KCNH8: variants seen among roughly 807,000 people sequenced by gnomAD.
KCNH8 encodes the protein potassium voltage-gated channel subfamily H member 8, also known as voltage-gated delayed rectifier potassium channel KCNH8.
KCNH8 carries 70 observed loss-of-function variants against 103.6 expected under a neutral mutation model. That is an observed-to-expected ratio of 0.68 (90% CI 0.56 to 0.82). The LOEUF is 0.82. Ranked by LOEUF, KCNH8 falls within the 40% of genes least tolerant of loss-of-function variation. KCNH8 has a pLI of 0.00. For synonymous variants in KCNH8, 498 were observed against 489.4 expected (o/e 1.02, Z -0.23); for missense variants, 1,217 against 1,329.9 (o/e 0.92, Z 1.32).
chr3:19,253,546 G>T, intron 1 of KCNH8, 108 bp from the exon 2 acceptor site: 1 of 846,078 alleles, frequency 1.2e-6, no homozygotes, highest in Non-Finnish European at 1.9e-6. Flanking sequence ...ATCAGAATGT[G>T]CCTTTTGGCA....
intron 1 of KCNH8, among the ~76,000 whole-genome samples, chr3:19,154,231 C>G (rs2125180542): frequency 6.6e-6 from 1 of 152,138 alleles, no homozygotes; most frequent in African/African-American, 2.4e-5. Flanking sequence ...AAACAATATT[C>G]TATTTAATTT....
intron 11 of KCNH8, among the ~76,000 whole-genome samples, chr3:19,484,267 A>C (rs2068155811): frequency 6.6e-6 from 1 of 152,202 alleles, no homozygotes; most frequent in Admixed American, 6.5e-5. Flanking sequence ...ACTGAGTGTC[A>C]TTATATAAAC....
At chr3:19,472,020 A>G (rs1431227915) in intron 11 of KCNH8, among the ~76,000 whole-genome samples, 1 of 152,212 alleles carries the variant, frequency 6.6e-6, no homozygotes, top group Non-Finnish European at 1.5e-5. Flanking sequence ...AAGTTTTTTA[A>G]AAATGAATTA....
At chr3:19,315,109 T>A (rs1473740750) in intron 3 of KCNH8, among the ~76,000 whole-genome samples, 2 of 151,966 alleles carry the variant, frequency 1.3e-5, no homozygotes, top group Non-Finnish European at 2.9e-5. Flanking sequence ...AAAGAGCTCC[T>A]CCATTCTCAT....
intron 5 of KCNH8, among the ~76,000 whole-genome samples, chr3:19,355,700 A>C (rs1247348075): frequency 6.6e-6 from 1 of 152,076 alleles, no homozygotes; most frequent in East Asian, 1.9e-4. Flanking sequence ...ACTTGGACAC[A>C]GGGTGGGGAA....
chr3:19,265,366 C>A (rs1329843765), intron 2 of KCNH8, among the ~76,000 whole-genome samples: 4 of 152,114 alleles, frequency 2.6e-5, no homozygotes, highest in Non-Finnish European at 5.9e-5. Context: ...ACAGCACCAG[C>A]AGAGCGTTAA....
chr3:19,459,127 C>T (rs918744005), intron 11 of KCNH8, among the ~76,000 whole-genome samples: 4 of 151,928 alleles, frequency 2.6e-5, no homozygotes, highest in Non-Finnish European at 4.4e-5. Context: ...ATTAGGACTT[C>T]CAGATCATAT....
rs2067229109 is a variant in KCNH8 at position 19,438,207 on chromosome 3, T to C, written c.1221T>C (p.Tyr407=). The change falls in exon 8 of 16, where the codon TAT becomes TAC. Residue 407 remains tyrosine (Y), a synonymous_variant. Transcript: ENST00000328405. ...GAAAGAGACTGGAATCTCCATACTATGGCAACAATACCTTGGGGGGCCCGT... is the reference window on the plus strand; with the variant it reads ...GAAAGAGACTGGAATCTCCATACTACGGCAACAATACCTTGGGGGGCCCGT... ...ELGKRLESPY[Y]GNNTLGGPSI... 2.5e-6 allele frequency: 4 copies of C among 1,614,140 alleles called. No individual in the cohort carries two copies. Among genetic ancestry groups the C allele is most frequent in the Non-Finnish European group, 3.4e-6 (4 of 1,180,010 alleles).
At chr3:19,200,139 C>T (rs1196670795) in intron 1 of KCNH8, among the ~76,000 whole-genome samples, 1 of 151,026 alleles carries the variant, frequency 6.6e-6, no homozygotes, top group African/African-American at 2.4e-5. Context: ...TTTTTTTCTA[C>T]ATAAAAAATA....
At chr3:19,358,527 T>C (rs1338146815) in intron 5 of KCNH8, among the ~76,000 whole-genome samples, 6 of 151,830 alleles carry the variant, frequency 4.0e-5, no homozygotes, top group Non-Finnish European at 8.8e-5. Context: ...AAATGAAAAT[T>C]GATAAAATAT....
intron 1 of KCNH8, among the ~76,000 whole-genome samples, chr3:19,245,525 T>C (rs1244588451): frequency 1.3e-5 from 2 of 152,244 alleles, no homozygotes; most frequent in Admixed American, 1.3e-4. Context: ...CAGAATAGTG[T>C]TGAATCTGTA....
intron 11 of KCNH8, among the ~76,000 whole-genome samples, chr3:19,466,648 CATTT>C (rs1468133064): frequency 1.1e-3 from 122 of 107,784 alleles, no homozygotes; most frequent in African/African-American, 4.0e-3. Flanking sequence ...TGTAGCAATA[CATTT>C]TTTTTTTTTT....
chr3:19,273,789 T>G (rs1011160321), intron 2 of KCNH8, among the ~76,000 whole-genome samples: 2 of 152,132 alleles, frequency 1.3e-5, no homozygotes, highest in African/African-American at 4.8e-5. Flanking sequence ...ACCAGTGGTG[T>G]TTTTCTGATC....
chr3:19,286,273 C>T (rs372324371), intron 3 of KCNH8, among the ~76,000 whole-genome samples: 8 of 152,136 alleles, frequency 5.3e-5, no homozygotes, highest in African/African-American at 7.2e-5. Context: ...CAGAATGTAA[C>T]GGTATTTGAG....
chr3:19,207,153 A>T (rs911050008), intron 1 of KCNH8, among the ~76,000 whole-genome samples: 2 of 152,056 alleles, frequency 1.3e-5, no homozygotes, highest in African/African-American at 4.8e-5. Context: ...TTTTGGGAAC[A>T]TAAATAGAAG....
intron 7 of KCNH8, among the ~76,000 whole-genome samples, chr3:19,434,922 A>G (rs2067175706): frequency 6.6e-6 from 1 of 152,180 alleles, no homozygotes; most frequent in Non-Finnish European, 1.5e-5. Flanking sequence ...ATTTAAAATG[A>G]TAATTGGAAA....
intron 11 of KCNH8, among the ~76,000 whole-genome samples, chr3:19,482,592 T>G (rs772959895): frequency 1.1e-4 from 17 of 152,226 alleles, no homozygotes; most frequent in Non-Finnish European, 2.1e-4. Context: ...TTCTTATTAC[T>G]ATTATAACTC....
At chr3:19,392,459 G>A (rs553805791) in intron 6 of KCNH8, among the ~76,000 whole-genome samples, 64 of 151,912 alleles carry the variant, frequency 4.2e-4, no homozygotes, top group South Asian at 8.3e-4. Context: ...AGTTAGTCAG[G>A]ATCAAATATC....
chr3:19,496,118 A>C (rs939297082), intron 11 of KCNH8, among the ~76,000 whole-genome samples: 1 of 152,206 alleles, frequency 6.6e-6, no homozygotes, highest in Non-Finnish European at 1.5e-5. Context: ...GGGGTTTTCT[A>C]GATATAAAAT....
Sources: allele counts gnomAD v4.1 joint callset (sites outside exome capture counted in the v4.1 genomes callset), GRCh38; gene constraint gnomAD v4.1.1; transcripts MANE v1.5; gene names NCBI Gene and HGNC (gene_info 2026-07-23, HGNC 2026-07-21).